The following AFTPH variants were observed in gnomAD, a reference collection of about 807,000 sequenced individuals.
AFTPH encodes the protein aftiphilin protein.
AFTPH carries 7 observed loss-of-function variants against 72.5 expected under a neutral mutation model. The ratio of observed to expected loss-of-function variants is 0.10; its 90% CI spans 0.05 to 0.18. AFTPH has a LOEUF of 0.18. Ranked by LOEUF, AFTPH falls within the 10% of genes least tolerant of loss-of-function variation. The pLI, the probability that AFTPH is intolerant of heterozygous loss-of-function variation, is 1.00. For synonymous variants in AFTPH, 337 were observed against 370.1 expected (o/e 0.91, Z 1.03); for missense variants, 979 against 1,060.5 (o/e 0.92, Z 1.07).
intron 1 of AFTPH, among the ~76,000 whole-genome samples, chr2:64,549,197 T>A (rs937824629): frequency 2.6e-5 from 4 of 152,174 alleles, no homozygotes; most frequent in Non-Finnish European, 5.9e-5. Context: ...GGTTGAATTT[T>A]GTAGTAAACA....
At chr2:64,528,002 GAGA>G (rs1331873446) in intron 1 of AFTPH, among the ~76,000 whole-genome samples, 1 of 152,208 alleles carries the variant, frequency 6.6e-6, no homozygotes, top group African/African-American at 2.4e-5. Context: ...TGGGATAATT[GAGA>G]AGAAGAGGGA....
intron 8 of AFTPH, among the ~76,000 whole-genome samples, chr2:64,587,252 C>G (rs1035378583): frequency 7.2e-5 from 11 of 152,122 alleles, no homozygotes; most frequent in African/African-American, 2.7e-4. Flanking sequence ...TCTGCTAATT[C>G]TGTATTGAGT....
chr2:64,541,707 C>T (rs1473295713), intron 1 of AFTPH, among the ~76,000 whole-genome samples: 1 of 152,162 alleles, frequency 6.6e-6, no homozygotes, highest in Admixed American at 6.5e-5. Flanking sequence ...AACTACTGTA[C>T]ACCAGGCAAC....
Position 64,591,328 on chromosome 2 carries a change from T to C in AFTPH, c.2580-557T>C, listed in dbSNP as rs558140038. On this transcript the variant is annotated intron_variant, in intron 8 of 8. Coordinates refer to ENST00000238856, the Ensembl canonical transcript of AFTPH. The stretch of plus-strand genomic sequence containing the variant: ...GCAACCAGCCCTAGTGCTGCTGCTT[T>C]TGGACCTGCTGTCTGTATCCCAACA... 3.3e-5 allele frequency among the ~76,000 whole-genome samples: 5 copies of C among 152,352 alleles called. No homozygotes were observed. The East Asian group carries it at 9.6e-4, about 29-fold the overall frequency.
intron 1 of AFTPH, among the ~76,000 whole-genome samples, chr2:64,549,796 C>G (rs1670920662): frequency 6.6e-6 from 1 of 152,004 alleles, no homozygotes; most frequent in Non-Finnish European, 1.5e-5. Context: ...AAAAAATTCA[C>G]CTTACATTTT....
exon 6 of AFTPH, chr2:64,573,003 G>C (rs1460065481): frequency 6.2e-7 from 1 of 1,614,080 alleles, no homozygotes; most frequent in Non-Finnish European, 8.5e-7. Context: ...AGAAAAAATA[G>C]CTTCCATCGG....
At chr2:64,583,307 A>C (rs1673317968) in intron 7 of AFTPH, among the ~76,000 whole-genome samples, 1 of 134,418 alleles carries the variant, frequency 7.4e-6, no homozygotes, top group Non-Finnish European at 1.6e-5. Context: ...TGCCTCATTA[A>C]GGCTCTGTTA....
At chr2:64,577,755 T>G (rs1672912599) in intron 6 of AFTPH, among the ~76,000 whole-genome samples, 1 of 152,188 alleles carries the variant, frequency 6.6e-6, no homozygotes, top group South Asian at 2.1e-4. Context: ...TTTTTTAACT[T>G]TTATCTGAAA....
chr2:64,586,675 C>T lies in AFTPH; in HGVS notation c.2579+1130C>T, dbSNP rs547635679. Among the ~76,000 whole-genome samples the T allele has an allele frequency of 4.7e-4, 72 of 152,288 alleles. No individual in the cohort carries two copies. The South Asian group carries it at 8.3e-3, about 18-fold the overall frequency. ...TAGCATGTAAATCCTTGTTTGTCTG[C>T]CAGTTCTCTCCATTGTTCTCATAGC... On this transcript the variant is annotated intron_variant, in intron 8 of 8. Coordinates refer to ENST00000238856, the Ensembl canonical transcript of AFTPH.
At chr2:64,568,467 G>A (rs532815250) in intron 3 of AFTPH, among the ~76,000 whole-genome samples, 1 of 152,122 alleles carries the variant, frequency 6.6e-6, no homozygotes, top group African/African-American at 2.4e-5. Flanking sequence ...CATTGCCTCG[G>A]GACTTCCCTT....
intron 1 of AFTPH, among the ~76,000 whole-genome samples, chr2:64,536,121 T>A (rs1669870938): frequency 6.6e-6 from 1 of 152,136 alleles, no homozygotes; most frequent in Non-Finnish European, 1.5e-5. Context: ...GTCGTGGAAT[T>A]GGAGAATAGG....
intron 1 of AFTPH, among the ~76,000 whole-genome samples, chr2:64,549,969 T>A (rs1182811582): frequency 6.6e-6 from 1 of 152,110 alleles, no homozygotes; most frequent in African/African-American, 2.4e-5. Flanking sequence ...CGTGAAAAAA[T>A]CAATTGATTT....
chr2:64,557,574 A>G (rs115328522), intron 2 of AFTPH, among the ~76,000 whole-genome samples: 205 of 152,230 alleles, frequency 1.3e-3, no homozygotes, highest in African/African-American at 4.5e-3. Flanking sequence ...ATGCCTCCTG[A>G]GTTCAAGCGA....
At chr2:64,546,213 A>G (rs1164588709) in intron 1 of AFTPH, among the ~76,000 whole-genome samples, 1 of 151,966 alleles carries the variant, frequency 6.6e-6, no homozygotes. Context: ...TAATGGTAAC[A>G]ATTTAACAAA....
chr2:64,553,616 AT>A (rs1407194209), intron 2 of AFTPH, among the ~76,000 whole-genome samples: 1 of 150,830 alleles, frequency 6.6e-6, no homozygotes, highest in Non-Finnish European at 1.5e-5. Flanking sequence ...GCGCAGTAAG[AT>A]TTTTCTTTAT....
chr2:64,565,004 A>G (rs1045623996), intron 2 of AFTPH, among the ~76,000 whole-genome samples: 2 of 151,690 alleles, frequency 1.3e-5, no homozygotes, highest in Admixed American at 1.3e-4. Context: ...ATGCCCTGCT[A>G]ATTTTTGTAT....
intron 4 of AFTPH, 112 bp from the exon 5 acceptor site, chr2:64,569,511 T>G (rs1672291391): frequency 8.0e-7 from 1 of 1,244,122 alleles, no homozygotes; most frequent in Non-Finnish European, 1.1e-6. Context: ...GTTTCATCAA[T>G]TTATCATTCC....
chr2:64,551,598 G>A lies in AFTPH; in HGVS notation c.124G>A (p.Val42Ile), dbSNP rs756763327. 4.5e-5 allele frequency: 72 copies of A among 1,613,980 alleles called. 2 individuals carry two copies. In the Admixed American group the frequency reaches 8.8e-4, roughly 20 times the overall value. The change falls in exon 2 of 9, where the codon GTA becomes ATA. Residue 42 changes from valine (V) to isoleucine (I), a missense_variant. Around this residue, in one of 3 missense-constraint regions of AFTPH, gnomAD observed 43 missense variants for 63.0 expected, o/e 0.68. Transcript: ENST00000238856. ...GTTTTCAGAAGTTAGCCCTTCTGGT[G>A]TAGGGTTTGTTGATTTCGATACACC...
chr2:64,569,547 G>A (rs1672293675), intron 4 of AFTPH, 76 bp from the exon 5 acceptor site: 1 of 1,490,966 alleles, frequency 6.7e-7, no homozygotes, highest in Non-Finnish European at 9.3e-7. Context: ...CACATCTCAA[G>A]CATATTTGGA....
Sources: allele counts gnomAD v4.1 joint callset (sites outside exome capture counted in the v4.1 genomes callset), GRCh38; gene constraint gnomAD v4.1.1; regional missense constraint gnomAD v4.1.1; transcripts MANE v1.5; gene names NCBI Gene and HGNC (gene_info 2026-07-23, HGNC 2026-07-21).